HNRNPH1: variants seen among roughly 807,000 people sequenced by gnomAD.
The protein encoded by HNRNPH1 is heterogeneous nuclear ribonucleoprotein H.
HNRNPH1 carries 4 observed loss-of-function variants against 58.6 expected under a neutral mutation model. The ratio of observed to expected loss-of-function variants is 0.07; its 90% confidence interval spans 0.03 to 0.16. The LOEUF (loss-of-function observed/expected upper bound fraction) is 0.16. Ranked by LOEUF, HNRNPH1 falls within the 10% of genes least tolerant of loss-of-function variation. The pLI is 1.00. For synonymous variants in HNRNPH1, 192 were observed against 189.2 expected, an observed-to-expected ratio of 1.01 and a Z score of -0.12; for missense variants, 271 against 564.2, an observed-to-expected ratio of 0.48 and a Z score of 5.26.
chr5:179,616,139 G>A (rs781527762), exon 11 of HNRNPH1: 1 of 1,613,602 alleles, frequency 6.2e-7, no homozygotes, highest in East Asian at 2.2e-5. Context: ...ATCCACTCAT[G>A]CTGCTCTGGC....
At chr5:179,617,746 G>C in intron 7 of HNRNPH1, 53 bp downstream of exon 8, 1 of 1,608,156 alleles carries the variant, frequency 6.2e-7, no homozygotes, top group Non-Finnish European at 8.5e-7. Context: ...ATAGAATAAG[G>C]CTGACTTACT....
Position 179,623,486 on chromosome 5 carries a change from G to A in HNRNPH1, c.-353C>T, listed in dbSNP as rs1157251917. On this transcript the variant is annotated 5_prime_UTR_variant, in exon 1 of 13. Coordinates refer to ENST00000356731, the Ensembl canonical transcript of HNRNPH1. The stretch of plus-strand genomic sequence containing the variant: ...CTGCAGGCCTCAGCGGCGGTGCCGA[G>A]ATTCAGCGAACCACTCGCGGCTCTC... 1.7e-5 allele frequency: 3 copies of A among 176,414 alleles called. No homozygotes were observed. The South Asian group carries it at 2.9e-4, about 17-fold the overall frequency. The allele number at this position is 176,414 out of a possible 1,614,324, so 10.9% of individuals were successfully genotyped here.
rs757942493 is a variant in HNRNPH1, at chr5:179,617,776, T to C, written c.921+23A>G. ...CTTACTGCCATACTGAAATATTGAC[T>C]TGTGAGTTCATCTCACACTTACATT... On this transcript the variant is annotated intron_variant, in intron 7 of 12. Transcript: ENST00000356731. The C allele has an allele frequency of 4.6e-5, 74 of 1,611,176 alleles. No homozygotes were observed. In the East Asian group the frequency reaches 1.6e-3, roughly 34 times the overall value.
intron 2 of HNRNPH1, among the ~76,000 whole-genome samples, chr5:179,633,284 C>T (rs1338834265): frequency 8.3e-6 from 1 of 119,944 alleles, no homozygotes; most frequent in Non-Finnish European, 1.8e-5. Context: ...AGCCACCACG[C>T]CCGGCCTGTT....
At chr5:179,615,115 A>C in intron 12 of HNRNPH1, 156 bp from the exon 14 acceptor site, 1 of 608,450 alleles carries the variant, frequency 1.6e-6, no homozygotes, top group Non-Finnish European at 3.0e-6. Context: ...TCCCGACTCC[A>C]AACAAGCCTC....
upstream of HNRNPH1, among the ~76,000 whole-genome samples, chr5:179,628,063 TC>T (rs1411758794): frequency 6.6e-6 from 1 of 152,112 alleles, no homozygotes; most frequent in East Asian, 1.9e-4. Context: ...CCTCAAGTGA[TC>T]CATCCACCTT....
upstream of HNRNPH1, among the ~76,000 whole-genome samples, chr5:179,628,813 G>C (rs528988862): frequency 2.0e-5 from 3 of 151,984 alleles, no homozygotes; most frequent in East Asian, 5.8e-4. Flanking sequence ...CAAAGATCAA[G>C]TGTAGGAAAA....
At chr5:179,625,659 CAAAA>C (rs372265224), upstream of HNRNPH1, among the ~76,000 whole-genome samples, 4 of 105,900 alleles carry the variant, frequency 3.8e-5, no homozygotes, top group Non-Finnish European at 7.6e-5. Flanking sequence ...AACTCCGTCT[CAAAA>C]AAAAAAAAAA....
intron 1 of HNRNPH1, 21 bp from the exon 3 acceptor site, chr5:179,621,418 A>C (rs1772247429): frequency 1.9e-6 from 3 of 1,607,450 alleles, no homozygotes; most frequent in Non-Finnish European, 2.5e-6. Flanking sequence ...AACAACCGTT[A>C]ATACAGAATT....
intron 12 of HNRNPH1, chr5:179,615,209 ATTAAGT>A (rs1424796193): frequency 4.6e-6 from 2 of 439,448 alleles, no homozygotes; most frequent in African/African-American, 2.0e-5. Flanking sequence ...AACATGAAAA[ATTAAGT>A]TTAAAGGAAA....
At chr5:179,616,463 CGTAAGTAGAG>C (rs1257865991) in intron 10 of HNRNPH1, 2 of 545,472 alleles carry the variant, frequency 3.7e-6, no homozygotes, top group African/African-American at 3.8e-5. Flanking sequence ...AACATGATTC[CGTAAGTAGAG>C]GCATTTTGTG....
upstream of HNRNPH1, among the ~76,000 whole-genome samples, chr5:179,628,772 T>C (rs890849116): frequency 6.6e-6 from 1 of 152,060 alleles, no homozygotes; most frequent in African/African-American, 2.4e-5. Flanking sequence ...AAACCCCGTC[T>C]CTACTACATT....
At chr5:179,631,226 T>C (rs1294955551) in intron 2 of HNRNPH1, among the ~76,000 whole-genome samples, 2 of 152,108 alleles carry the variant, frequency 1.3e-5, no homozygotes, top group South Asian at 2.1e-4. Context: ...TTACGGTATA[T>C]CTATGTTATT....
chr5:179,631,424 C>G (rs970677008), intron 2 of HNRNPH1, among the ~76,000 whole-genome samples: 11 of 152,010 alleles, frequency 7.2e-5, no homozygotes, highest in Non-Finnish European at 1.5e-4. Flanking sequence ...CCAGCCTGGG[C>G]AACATATTGA....
At chr5:179,633,227 G>C (rs1465075672) in intron 2 of HNRNPH1, among the ~76,000 whole-genome samples, 1 of 151,778 alleles carries the variant, frequency 6.6e-6, no homozygotes, top group Non-Finnish European at 1.5e-5. Flanking sequence ...CCAGAGATCA[G>C]GTAATCCGCC....
chr5:179,617,739 G>A (rs1770486293), intron 7 of HNRNPH1, 60 bp downstream of exon 8: 1 of 1,607,618 alleles, frequency 6.2e-7, no homozygotes, highest in African/African-American at 1.3e-5. Flanking sequence ...CACATTTATA[G>A]AATAAGGCTG....
intron 10 of HNRNPH1, chr5:179,616,464 G>T (rs78518762): frequency 3.7e-6 from 2 of 544,266 alleles, no homozygotes; most frequent in East Asian, 3.1e-5. Context: ...ACATGATTCC[G>T]TAAGTAGAGG....
intron 11 of HNRNPH1, 148 bp downstream of exon 12, chr5:179,615,978 G>A (rs530160879): frequency 5.5e-5 from 36 of 651,942 alleles, no homozygotes; most frequent in East Asian, 2.9e-4. Context: ...CAATTTCACC[G>A]AAAGGAGCCT....
chr5:179,615,625 T>C, intron 11 of HNRNPH1, 30 bp from the exon 13 acceptor site: 2 of 1,268,546 alleles, frequency 1.6e-6, no homozygotes, highest in Non-Finnish European at 2.3e-6. Flanking sequence ...GGTAAGACTA[T>C]AATACCAAAA....
Sources: gnomAD v4.1 joint callset for allele counts (sites outside exome capture counted in the v4.1 genomes callset) on GRCh38, gnomAD v4.1.1 for gene constraint, MANE v1.5 for transcripts, NCBI Gene and HGNC (gene_info 2026-07-23, HGNC 2026-07-21) for gene names.